Variants in NIN observed in about 807,000 individuals in gnomAD.
The protein encoded by NIN is glycogen synthase kinase 3 beta-interacting protein.
A neutral mutation model predicts 257.6 loss-of-function variants in NIN; 137 were observed. The ratio of observed to expected loss-of-function variants is 0.53; its 90% confidence interval spans 0.46 to 0.61. The LOEUF is 0.61. NIN is among the 20% of genes least tolerant of loss of function. NIN has a pLI of 0.00. For synonymous variants in NIN, 918 were observed against 919.8 expected (o/e 1.00, Z 0.04); for missense variants, 2,439 against 2,501.2 (o/e 0.98, Z 0.53).
rs768801778 is a variant in NIN at position 50,722,445 on chromosome 14, A to C, written c.*1018T>G. On this transcript the variant is annotated 3_prime_UTR_variant, in exon 31 of 31. Coordinates refer to ENST00000530997, the MANE Select transcript of NIN (RefSeq NM_020921.4). ...AATTTACTAAAAACGTAGAAATAAA[A>C]ATTCTAGTATGGCTGTAAATATATA... The C allele has an allele frequency of 2.2e-4, 47 of 211,592 alleles. No individual in the cohort carries two copies. The highest frequency in any genetic ancestry group is 3.7e-4 in the Non-Finnish European group (39 of 104,184). 13.1% of individuals were successfully genotyped at this position (211,592 alleles called of 1,614,324 possible). A position where few individuals can be genotyped will look rare whatever the true frequency, so the allele number is the denominator to read the frequency against.
At chr14:50,753,024 C>T (rs2041860380) in intron 20 of NIN, among the ~76,000 whole-genome samples, 1 of 152,152 alleles carries the variant, frequency 6.6e-6, no homozygotes, top group African/African-American at 2.4e-5. Flanking sequence ...AACCCATACA[C>T]ACATACAGAT....
At chr14:50,823,076 C>T (rs1184589642) in intron 2 of NIN, 8 of 420,164 alleles carry the variant, frequency 1.9e-5, no homozygotes, top group South Asian at 3.8e-5. Context: ...AACTTGGAGA[C>T]GTCAATAACT....
intron 18 of NIN, 113 bp downstream of exon 18, chr14:50,756,379 G>A (rs1244611432): frequency 2.6e-5 from 29 of 1,108,896 alleles, no homozygotes; most frequent in Non-Finnish European, 3.3e-5. Context: ...AGAGAGTACT[G>A]CTCTCTTCGT....
intron 2 of NIN, among the ~76,000 whole-genome samples, chr14:50,822,283 AG>A (rs34909521): frequency 6.6e-6 from 1 of 152,176 alleles, no homozygotes; most frequent in African/African-American, 2.4e-5. Flanking sequence ...CACTCACATC[AG>A]GGGCATATAC....
At chr14:50,739,836 G>A (rs1177345036) in intron 25 of NIN, among the ~76,000 whole-genome samples, 2 of 152,216 alleles carry the variant, frequency 1.3e-5, no homozygotes, top group African/African-American at 4.8e-5. Context: ...TTCTTACGAA[G>A]TTATCTTTAA....
chr14:50,753,581 A>G (rs2041892772), intron 20 of NIN, among the ~76,000 whole-genome samples: 1 of 152,218 alleles, frequency 6.6e-6, no homozygotes, highest in Non-Finnish European at 1.5e-5. Context: ...TAGAAAATCC[A>G]TTTATACATG....
At chr14:50,738,369 T>C in intron 26 of NIN, 83 bp from the exon 27 acceptor site, 5 of 1,210,576 alleles carry the variant, frequency 4.1e-6, no homozygotes, top group Non-Finnish European at 5.9e-6. Context: ...AAAGTTTTAA[T>C]TCAGTACTTG....
intron 14 of NIN, among the ~76,000 whole-genome samples, chr14:50,765,542 C>G (rs2042445299): frequency 6.6e-6 from 1 of 151,862 alleles, no homozygotes; most frequent in Non-Finnish European, 1.5e-5. Context: ...AAAATAAACA[C>G]GTGTTTCTGG....
chr14:50,793,905 T>C (rs542376999), intron 4 of NIN, among the ~76,000 whole-genome samples: 1 of 152,334 alleles, frequency 6.6e-6, no homozygotes, highest in South Asian at 2.1e-4. Flanking sequence ...AAGATGACAA[T>C]GCTTTGATTT....
chr14:50,826,512 A>C (rs1327732083), intron 2 of NIN, among the ~76,000 whole-genome samples: 1 of 152,232 alleles, frequency 6.6e-6, no homozygotes, highest in African/African-American at 2.4e-5. Context: ...AGTGGTGTTC[A>C]TTACCCCAGC....
Position 50,785,707 on chromosome 14 carries a change from G to A in NIN, c.436-6903C>T, listed in dbSNP as rs191487371. Among the ~76,000 whole-genome samples the A allele has an allele frequency of 4.5e-4, 68 of 152,284 alleles. 1 individual carries two copies. The highest frequency in any genetic ancestry group is 4.4e-3 in the Admixed American group (67 of 15,308). Reference sequence around the variant, plus strand: ...GACTTTTAAAAAATACAGCATCTATGGCGTATTTCACTAACAGTCCTAAGT... The same window carrying A: ...GACTTTTAAAAAATACAGCATCTATAGCGTATTTCACTAACAGTCCTAAGT... On this transcript the variant is annotated intron_variant, in intron 5 of 30. Transcript: ENST00000530997.
chr14:50,772,415 G>A lies in NIN; in HGVS notation c.867C>T (p.Thr289=). 6.2e-7 allele frequency: 1 copy of A among 1,614,162 alleles called. No individual in the cohort carries two copies. Residue 289 remains threonine (T), a synonymous_variant, in exon 9 of 31, where the codon ACC becomes ACT. Transcript: ENST00000530997. Reference sequence around the variant, plus strand: ...GGCAGGAGAAGACCCGAAAGCCAATGGTACTTGTCATTGCTGATGAGGTTG... The same window carrying A: ...GGCAGGAGAAGACCCGAAAGCCAATAGTACTTGTCATTGCTGATGAGGTTG... The part of the protein sequence containing the change: ...RTTTSSAMTS[T]IGFRVFSCLD...
chr14:50,723,937 G>GT (rs1398157236), intron 30 of NIN: 31 of 365,130 alleles, frequency 8.5e-5, no homozygotes, highest in South Asian at 3.2e-4. Flanking sequence ...GGCACCAAAA[G>GT]TTTTTTTTCT....
intron 14 of NIN, 60 bp downstream of exon 14, chr14:50,766,247 G>A (rs2141720856): frequency 7.7e-7 from 1 of 1,300,918 alleles, no homozygotes; most frequent in East Asian, 2.3e-5. Context: ...TAGGGAACGG[G>A]GAAGCTGGGG....
chr14:50,815,610 A>G (rs2044855722), intron 3 of NIN, among the ~76,000 whole-genome samples: 1 of 152,236 alleles, frequency 6.6e-6, no homozygotes, highest in Non-Finnish European at 1.5e-5. Context: ...TTGCAGCACT[A>G]TTCACAATAG....
At chr14:50,723,699 A>T (rs773506664) in intron 30 of NIN, 27 bp from the exon 31 acceptor site, 5 of 1,599,676 alleles carry the variant, frequency 3.1e-6, no homozygotes, top group Non-Finnish European at 4.3e-6. Context: ...AAACATCTTG[A>T]CTCCATTTCT....
intron 10 of NIN, 108 bp downstream of exon 10, chr14:50,771,224 G>T: frequency 7.4e-7 from 1 of 1,350,110 alleles, no homozygotes; most frequent in South Asian, 1.4e-5. Context: ...GATAGAAGAT[G>T]AGCAACATTT....
Position 50,725,963 on chromosome 14 carries a change from A to G in NIN, c.6182T>C (p.Leu2061Pro). ...ACCGGGTAGGCTCACTTGTTCTTTG[A>G]GCTGATTCACTTTCTCTTGAAGAAG... ...KRLLQEKVNQLKEQLCKNTKA... is the reference protein window; with the variant it reads ...KRLLQEKVNQPKEQLCKNTKA... Residue 2061 changes from leucine (L) to proline (P), a missense_variant, in exon 30 of 31, where the codon CTC (leucine) becomes CCC (proline). Transcript: ENST00000530997. 8 of 1,614,072 alleles carry G rather than the reference A, an allele frequency of 5.0e-6. No homozygotes were observed. Among genetic ancestry groups the G allele is most frequent in the Non-Finnish European group, 5.9e-6 (7 of 1,179,950 alleles).
chr14:50,811,927 G>A (rs1187763174), intron 3 of NIN, among the ~76,000 whole-genome samples: 1 of 150,128 alleles, frequency 6.7e-6, no homozygotes, highest in Non-Finnish European at 1.5e-5. Context: ...CCGGGAGGCG[G>A]AGCTTGCAGT....
Sources: gnomAD v4.1 joint callset for allele counts (sites outside exome capture counted in the v4.1 genomes callset) on GRCh38, gnomAD v4.1.1 for gene constraint, MANE v1.5 for transcripts, NCBI Gene and HGNC (gene_info 2026-07-23, HGNC 2026-07-21) for gene names.